FGD6: variants seen among roughly 807,000 people sequenced by gnomAD.
FGD6 encodes FYVE, RhoGEF and PH domain containing 6, also known as FYVE, RhoGEF and PH domain-containing protein 6.
Under a neutral mutation model 149.4 loss-of-function variants are expected in FGD6, and 90 were observed. That is an observed-to-expected ratio of 0.60 (90% CI 0.51 to 0.72). The LOEUF (loss-of-function observed/expected upper bound fraction) is 0.72, where lower values mean the gene tolerates loss of function less well. FGD6 is among the 30% of genes least tolerant of loss of function. FGD6 has a pLI of 0.00. For synonymous variants in FGD6, 527 were observed against 584.0 expected (o/e 0.90, Z 1.41); for missense variants, 1,437 against 1,684.8 (o/e 0.85, Z 2.57).
intron 14 of FGD6, among the ~76,000 whole-genome samples, chr12:95,103,105 T>C (rs1007793228): frequency 6.6e-6 from 1 of 152,220 alleles, no homozygotes; most frequent in Non-Finnish European, 1.5e-5. Flanking sequence ...TCTGCTAGTA[T>C]AGCTGAGTGG....
rs775763508 is a variant in FGD6 at position 95,208,990 on chromosome 12, A to G, written c.2294T>C (p.Phe765Ser). The change falls in exon 2 of 21, where the codon TTT (phenylalanine) becomes TCT (serine). Residue 765 changes from phenylalanine to serine, a missense_variant. Around this residue, in one of 2 missense-constraint regions of FGD6, gnomAD observed 1,055 missense variants for 1,146.0 expected, o/e 0.92. Coordinates refer to ENST00000343958, the MANE Select transcript of FGD6 (RefSeq NM_018351.4). The part of the protein sequence containing the change: ...EEIPEYENLP[F>S]IMAIRKTQEL... ...TTGAGTTTTCCGTATAGCCATAATAAATGGCAAGTTCTCGTACTCTGGTAT... is the reference window on the plus strand; with the variant it reads ...TTGAGTTTTCCGTATAGCCATAATAGATGGCAAGTTCTCGTACTCTGGTAT... The G allele has an allele frequency of 6.2e-7, 1 of 1,613,976 alleles. No homozygotes were observed. The highest frequency in any genetic ancestry group is 8.5e-7 in the Non-Finnish European group (1 of 1,180,012).
intron 3 of FGD6, among the ~76,000 whole-genome samples, chr12:95,167,640 T>C (rs957582744): frequency 6.7e-5 from 10 of 148,214 alleles, no homozygotes; most frequent in Admixed American, 5.4e-4. Flanking sequence ...AATGGTGTGA[T>C]CTCGGCTCAC....
chr12:95,153,942 T>TGTGC (rs1880384651), intron 3 of FGD6, among the ~76,000 whole-genome samples: 1 of 131,916 alleles, frequency 7.6e-6, no homozygotes. Context: ...TGTGTGTGTG[T>TGTGC]GTGTGAGTGA....
In FGD6 at chr12:95,079,002, T is replaced by C. The variant is rs1877582133; in HGVS notation, c.*2518A>G. On this transcript the variant is annotated 3_prime_UTR_variant, in exon 21 of 21. Coordinates refer to ENST00000343958, the MANE Select transcript of FGD6 (RefSeq NM_018351.4). ...ACTACTTAACTTTTCTCCCCATTTA[T>C]AGACTGTGCCCAATATCATTTTTCC... is the stretch of plus-strand genomic sequence containing the variant. 6.6e-6 allele frequency: 1 copy of C among 152,242 alleles called. No homozygotes were observed. The highest frequency in any genetic ancestry group is 2.4e-5 in the African/African-American group (1 of 41,478). The allele number at this position is 152,242 out of a possible 1,614,324, so 9.4% of individuals were successfully genotyped here. A position where few individuals can be genotyped will look rare whatever the true frequency, so the allele number is the denominator to read the frequency against.
Position 95,210,809 on chromosome 12 carries a change from A to G in FGD6, c.475T>C (p.Cys159Arg). ...TTGGCTTTTTCACCATACAAATCAC[A>G]TTTACTCCTAGTTTTTATAGTCAAA... is the stretch of plus-strand genomic sequence containing the variant. Reference protein sequence around the residue: ...ETLTIKTRSKCDLYGEKAKNQ... With the variant: ...ETLTIKTRSKRDLYGEKAKNQ... Residue 159 changes from cysteine to arginine, a missense_variant, in exon 2 of 21, where the codon TGT becomes CGT. Around this residue, in one of 2 missense-constraint regions of FGD6, gnomAD observed 1,055 missense variants for 1,146.0 expected, o/e 0.92. Coordinates refer to ENST00000343958, the MANE Select transcript of FGD6 (RefSeq NM_018351.4). 1 of 1,613,642 alleles carries G rather than the reference A, an allele frequency of 6.2e-7. No individual in the cohort carries two copies. The highest frequency in any genetic ancestry group is 8.5e-7 in the Non-Finnish European group (1 of 1,179,928).
chr12:95,217,123 G>A, intron 1 of FGD6, 102 bp downstream of exon 1: 1 of 1,544,660 alleles, frequency 6.5e-7, no homozygotes, highest in South Asian at 1.2e-5. Context: ...AAGGTACGGG[G>A]CACACAACTC....
chr12:95,166,405 C>T (rs957580781), intron 3 of FGD6, among the ~76,000 whole-genome samples: 3 of 152,102 alleles, frequency 2.0e-5, no homozygotes, highest in Admixed American at 2.0e-4. Context: ...TAGGTTTTTA[C>T]CCTTTTAAAG....
At chr12:95,085,245 C>G (rs933529419) in intron 19 of FGD6, among the ~76,000 whole-genome samples, 1 of 121,794 alleles carries the variant, frequency 8.2e-6, no homozygotes, top group Non-Finnish European at 1.6e-5. Flanking sequence ...GAGACAGAGT[C>G]TCTCTGTTGC....
chr12:95,121,464 GAT>G (rs367593135), intron 8 of FGD6, among the ~76,000 whole-genome samples: 16 of 71,296 alleles, frequency 2.2e-4, no homozygotes, highest in East Asian at 1.1e-3. Context: ...AAAAAAAAAA[GAT>G]ATATATATAT....
At chr12:95,160,911 G>A (rs562105928) in intron 3 of FGD6, among the ~76,000 whole-genome samples, 77 of 151,872 alleles carry the variant, frequency 5.1e-4, no homozygotes, top group African/African-American at 1.8e-3. Context: ...GGCCAGGCAT[G>A]GTGGCTCATG....
intron 8 of FGD6, among the ~76,000 whole-genome samples, chr12:95,131,205 G>T (rs774987091): frequency 6.7e-6 from 1 of 149,896 alleles, no homozygotes; most frequent in African/African-American, 2.5e-5. Flanking sequence ...TCTGCCTCTC[G>T]GGTTCAAACA....
chr12:95,210,294 A>G lies in FGD6; in HGVS notation c.990T>C (p.Cys330=). The change falls in exon 2 of 21, where the codon TGT becomes TGC. Residue 330 remains cysteine, a synonymous_variant. Transcript: ENST00000343958. ...CAGTGCTTTCACTAGGAGTATCTAC[A>G]CACTTTTGGCGTAACAGACGAGCAG... The part of the protein sequence containing the change: ...TRTARLLRQK[C]VDTPSESTEE... The G allele has an allele frequency of 6.2e-7, 1 of 1,614,172 alleles. No homozygotes were observed. Among genetic ancestry groups the G allele is most frequent in the East Asian group, 2.2e-5 (1 of 44,886 alleles).
At chr12:95,171,573 T>A (rs1056790810) in intron 3 of FGD6, among the ~76,000 whole-genome samples, 5 of 152,318 alleles carry the variant, frequency 3.3e-5, no homozygotes, top group African/African-American at 1.2e-4. Flanking sequence ...TGGAGTGCAG[T>A]GGCGTGATCT....
chr12:95,115,873 T>C (rs533089163), intron 8 of FGD6, among the ~76,000 whole-genome samples: 1 of 152,246 alleles, frequency 6.6e-6, no homozygotes, highest in East Asian at 1.9e-4. Flanking sequence ...CCTGTGTGAG[T>C]CTAGACGTGC....
intron 2 of FGD6, among the ~76,000 whole-genome samples, 167 bp downstream of exon 2, chr12:95,208,676 C>G (rs753289262): frequency 3.3e-5 from 5 of 152,128 alleles, no homozygotes; most frequent in South Asian, 4.1e-4. Context: ...TTGCAAATAC[C>G]CATTCCAACT....
At chr12:95,177,167 A>G (rs777130212) in intron 2 of FGD6, among the ~76,000 whole-genome samples, 8 of 152,210 alleles carry the variant, frequency 5.3e-5, no homozygotes, top group Non-Finnish European at 1.0e-4. Flanking sequence ...ATTTCCTCTA[A>G]GAGTTTTTAG....
At chr12:95,171,944 T>G (rs925464142) in intron 3 of FGD6, among the ~76,000 whole-genome samples, 1 of 145,072 alleles carries the variant, frequency 6.9e-6, no homozygotes, top group Non-Finnish European at 1.5e-5. Flanking sequence ...TCTTTATTCT[T>G]TCCCAAAATA....
chr12:95,146,745 T>C (rs780367839), intron 5 of FGD6, among the ~76,000 whole-genome samples: 1 of 151,052 alleles, frequency 6.6e-6, no homozygotes, highest in Admixed American at 6.6e-5. Flanking sequence ...AAGCATATGA[T>C]AATATTATTC....
rs973240847 is a variant in FGD6 at position 95,089,621 on chromosome 12, T to C, written c.3926A>G (p.His1309Arg). Residue 1309 changes from histidine to arginine, a missense_variant, in exon 18 of 21, where the codon CAT (histidine) becomes CGT (arginine). Coordinates refer to ENST00000343958, the MANE Select transcript of FGD6 (RefSeq NM_018351.4). ...SPSSALSSVL[H>R]SIPSGRKQKK... is the part of the protein sequence containing the mutation. Reference sequence around the variant, plus strand: ...CTGTTTCCTCCCTGATGGAATGCTATGTAAGACTGATGATAAGGCACTTGA... The same window carrying C: ...CTGTTTCCTCCCTGATGGAATGCTACGTAAGACTGATGATAAGGCACTTGA... The C allele has an allele frequency of 1.9e-6, 3 of 1,613,926 alleles. No homozygotes were observed. Among genetic ancestry groups the C allele is most frequent in the Non-Finnish European group, 1.7e-6 (2 of 1,179,910 alleles).
Sources: allele counts gnomAD v4.1 joint callset (sites outside exome capture counted in the v4.1 genomes callset), GRCh38; gene constraint gnomAD v4.1.1; regional missense constraint gnomAD v4.1.1; transcripts MANE v1.5; gene names NCBI Gene and HGNC (gene_info 2026-07-23, HGNC 2026-07-21).